The following CA10 variants were observed in gnomAD, a reference collection of about 807,000 sequenced individuals.
CA10 encodes carbonic anhydrase-related protein 10.
CA10 carries 14 observed loss-of-function variants against 44.2 expected under a neutral mutation model. The observed-to-expected ratio is 0.32, with a 90% CI of 0.21 to 0.50. The LOEUF is 0.50. Among genes scored for constraint, CA10 ranks in the 20% least tolerant of loss-of-function variants. CA10 has a pLI of 0.99. For synonymous variants in CA10, 159 were observed against 141.6 expected (o/e 1.12, Z -0.87); for missense variants, 350 against 409.7 (o/e 0.85, Z 1.26).
At chr17:52,018,263 C>A (rs1048327969) in intron 2 of CA10, among the ~76,000 whole-genome samples, 4 of 152,040 alleles carry the variant, frequency 2.6e-5, no homozygotes, top group Non-Finnish European at 5.9e-5. Flanking sequence ...CCCTTCAGAC[C>A]AAATAATGGT....
chr17:51,647,926 C>T (rs919595053), intron 6 of CA10, among the ~76,000 whole-genome samples: 2 of 152,132 alleles, frequency 1.3e-5, no homozygotes, highest in African/African-American at 2.4e-5. Flanking sequence ...CTAGGTGGAG[C>T]GGGATTCTCC....
At chr17:52,079,701 C>T (rs1364586494) in intron 1 of CA10, among the ~76,000 whole-genome samples, 1 of 152,122 alleles carries the variant, frequency 6.6e-6, no homozygotes, top group African/African-American at 2.4e-5. Context: ...CAAGCCCACA[C>T]GTGCTTGACA....
chr17:51,873,605 T>C (rs564559798), intron 3 of CA10, among the ~76,000 whole-genome samples: 1 of 152,348 alleles, frequency 6.6e-6, no homozygotes, highest in African/African-American at 2.4e-5. Flanking sequence ...GCTTTCTTTA[T>C]TGGCAAGCAT....
intron 2 of CA10, among the ~76,000 whole-genome samples, chr17:51,982,444 T>C (rs1291443921): frequency 6.6e-6 from 1 of 151,934 alleles, no homozygotes; most frequent in African/African-American, 2.4e-5. Context: ...GAGTTAAAGG[T>C]GTCCAGGGAG....
intron 3 of CA10, among the ~76,000 whole-genome samples, chr17:51,849,914 T>C (rs1184706930): frequency 6.6e-6 from 1 of 152,130 alleles, no homozygotes; most frequent in East Asian, 1.9e-4. Flanking sequence ...ATAATTCAAG[T>C]CCATTTCCAC....
chr17:51,645,625 A>G (rs1913299372), intron 6 of CA10, among the ~76,000 whole-genome samples: 1 of 152,356 alleles, frequency 6.6e-6, no homozygotes, highest in Non-Finnish European at 1.5e-5. Flanking sequence ...GAATTAAGAG[A>G]AAAACATGCT....
chr17:51,816,689 C>T (rs148287573), intron 3 of CA10, among the ~76,000 whole-genome samples: 234 of 152,280 alleles, frequency 1.5e-3, no homozygotes, highest in African/African-American at 5.6e-3. Flanking sequence ...GTAATTATAG[C>T]AGTTATTGGA....
intron 3 of CA10, among the ~76,000 whole-genome samples, chr17:51,805,009 C>T (rs576253736): frequency 6.6e-6 from 1 of 152,304 alleles, no homozygotes; most frequent in Non-Finnish European, 1.5e-5. Context: ...CTGTGGGGCA[C>T]CTGCATTTCC....
At chr17:51,942,803 A>G (rs912075441) in intron 2 of CA10, among the ~76,000 whole-genome samples, 4 of 152,064 alleles carry the variant, frequency 2.6e-5, no homozygotes, top group Admixed American at 6.6e-5. Flanking sequence ...CAATGTAAGG[A>G]TGATGTTACT....
chr17:52,046,259 A>C (rs1254259948), intron 2 of CA10, among the ~76,000 whole-genome samples: 1 of 151,514 alleles, frequency 6.6e-6, no homozygotes. Flanking sequence ...CCATGACACC[A>C]ACCAAGAACT....
intron 3 of CA10, among the ~76,000 whole-genome samples, chr17:51,779,267 G>A (rs1209982028): frequency 1.3e-5 from 2 of 152,122 alleles, no homozygotes; most frequent in East Asian, 3.8e-4. Flanking sequence ...CATCTTCCCA[G>A]ATGGAATTCT....
rs148299069 is a variant in CA10, at chr17:51,930,643, A to G, written c.279+347T>C. Among the ~76,000 whole-genome samples, 388 of 152,240 alleles carry G rather than the reference A, an allele frequency of 2.5e-3. 1 individual carries two copies. Among genetic ancestry groups the G allele is most frequent in the Admixed American group, 6.9e-3 (105 of 15,288 alleles). On this transcript the variant is annotated intron_variant, in intron 3 of 8. Coordinates refer to ENST00000451037, the MANE Select transcript of CA10 (RefSeq NM_020178.5). Reference sequence around the variant, plus strand: ...TTGGTTTTCTCACTTCACTGAGGTTAAAAGAAGGCCTAGTAAAGCAGTTTC... The same window carrying G: ...TTGGTTTTCTCACTTCACTGAGGTTGAAAGAAGGCCTAGTAAAGCAGTTTC...
At chr17:51,659,039 G>A (rs924250141) in intron 4 of CA10, among the ~76,000 whole-genome samples, 20 of 152,250 alleles carry the variant, frequency 1.3e-4, no homozygotes, top group African/African-American at 3.9e-4. Flanking sequence ...CAACTTGACT[G>A]GGCAAAGGGA....
At chr17:51,945,578 A>C (rs1359655601) in intron 2 of CA10, among the ~76,000 whole-genome samples, 5 of 152,102 alleles carry the variant, frequency 3.3e-5, no homozygotes, top group Admixed American at 3.3e-4. Context: ...TACTTTTCCC[A>C]CATCAGTCAG....
chr17:51,989,156 T>TC (rs907625023), intron 2 of CA10, among the ~76,000 whole-genome samples: 49 of 150,716 alleles, frequency 3.3e-4, no homozygotes, highest in African/African-American at 1.1e-3. Flanking sequence ...TCTGTTTCTT[T>TC]TTTTTTTTTT....
intron 3 of CA10, among the ~76,000 whole-genome samples, chr17:51,784,833 G>A (rs772336162): frequency 3.3e-5 from 5 of 151,998 alleles, no homozygotes; most frequent in Non-Finnish European, 5.9e-5. Context: ...TATTGACTAT[G>A]GTCACCCTGT....
At chr17:52,077,260 AG>A (rs1426095607) in intron 1 of CA10, among the ~76,000 whole-genome samples, 2 of 152,202 alleles carry the variant, frequency 1.3e-5, no homozygotes, top group African/African-American at 4.8e-5. Context: ...GAAAGAGCAA[AG>A]TGTTTTGCAA....
intron 4 of CA10, among the ~76,000 whole-genome samples, chr17:51,698,978 A>G (rs990106443): frequency 6.6e-6 from 1 of 152,176 alleles, no homozygotes; most frequent in Non-Finnish European, 1.5e-5. Flanking sequence ...GTTATTATGA[A>G]TAAGGCTGCA....
intron 3 of CA10, among the ~76,000 whole-genome samples, chr17:51,795,998 T>C (rs1277036397): frequency 6.6e-6 from 1 of 152,226 alleles, no homozygotes; most frequent in African/African-American, 2.4e-5. Flanking sequence ...CTTTATTTTA[T>C]AGAACGGGGC....
Sources: gnomAD v4.1 joint callset for allele counts (sites outside exome capture counted in the v4.1 genomes callset) on GRCh38, gnomAD v4.1.1 for gene constraint, MANE v1.5 for transcripts, NCBI Gene and HGNC (gene_info 2026-07-23, HGNC 2026-07-21) for gene names.